SOX9: variants seen among roughly 807,000 people sequenced by gnomAD.
SOX9 encodes the protein transcription factor SOX-9.
In SOX9, 2 loss-of-function variants were observed where a neutral mutation model predicts 44.8. The ratio of observed to expected loss-of-function variants is 0.04; its 90% CI spans 0.02 to 0.14. SOX9 has a LOEUF of 0.14. SOX9 is among the 10% of genes least tolerant of loss of function. The probability of loss-of-function intolerance (pLI) is 1.00; values close to 1 mark genes in which losing one functional copy is unlikely to be tolerated. For synonymous variants in SOX9, 381 were observed against 331.8 expected (o/e 1.15, Z -1.61); for missense variants, 583 against 728.6 (o/e 0.80, Z 2.30).
chr17:72,121,727 C>T lies in SOX9; in HGVS notation c.336C>T (p.Phe112=), dbSNP rs1407667250. 1 of 1,606,014 alleles carries T rather than the reference C, an allele frequency of 6.2e-7. No homozygotes were observed. Among genetic ancestry groups the T allele is most frequent in the Non-Finnish European group, 8.5e-7 (1 of 1,176,646 alleles). The change falls in exon 1 of 3, where the codon TTC becomes TTT. Residue 112 remains phenylalanine (F), a synonymous_variant. Transcript: ENST00000245479. The surrounding 1 kb of genome is among the most constrained non-coding windows in gnomAD (Gnocchi z 8.3). Reference sequence around the variant, plus strand: ...ACGTCAAGCGGCCCATGAACGCCTTCATGGTGTGGGCGCAGGCGGCGCGCA... The same window carrying T: ...ACGTCAAGCGGCCCATGAACGCCTTTATGGTGTGGGCGCAGGCGGCGCGCA... ...KPHVKRPMNA[F]MVWAQAARRK...
chr17:72,124,769 A>AT lies in SOX9; in HGVS notation c.*389dup, dbSNP rs976984094. On this transcript the variant is annotated 3_prime_UTR_variant, in exon 3 of 3. Coordinates refer to ENST00000245479, the MANE Select transcript of SOX9 (RefSeq NM_000346.4). The surrounding 1 kb of genome is among the most constrained non-coding windows in gnomAD (Gnocchi z 4.6). ...CTCTGCCTGTTTGGACTTTGTAATT[A>AT]TTTTTTTAGCAGTAATTAAAGAAAA... 15 of 387,748 alleles carry AT rather than the reference A, an allele frequency of 3.9e-5. No homozygotes were observed. The highest frequency in any genetic ancestry group is 5.7e-5 in the Non-Finnish European group (12 of 211,220). 24.0% of individuals were successfully genotyped at this position (387,748 alleles called of 1,614,324 possible). A position where few individuals can be genotyped will look rare whatever the true frequency, so the allele number is the denominator to read the frequency against.
At chr17:72,122,519 G>C (rs1387585762) in intron 1 of SOX9, among the ~76,000 whole-genome samples, 200 bp from the exon 2 acceptor site, 1 of 151,952 alleles carries the variant, frequency 6.6e-6, no homozygotes, top group Admixed American at 6.6e-5. Context: ...GCTCAGGTCA[G>C]ACTGCAATAA....
In SOX9 at chr17:72,121,444, T is replaced by G. The variant is rs770996719; in HGVS notation, c.53T>G (p.Leu18Arg). ...ATGACCGACGAGCAGGAGAAGGGCCTGTCCGGCGCCCCCAGCCCCACCATG... is the reference window on the plus strand; with the variant it reads ...ATGACCGACGAGCAGGAGAAGGGCCGGTCCGGCGCCCCCAGCCCCACCATG... ...MKMTDEQEKG[L>R]SGAPSPTMSE... Residue 18 changes from leucine to arginine, a missense_variant, in exon 1 of 3, where the codon CTG (leucine) becomes CGG (arginine). Around this residue, in one of 7 missense-constraint regions of SOX9, gnomAD observed 101 missense variants for 98.6 expected, o/e 1.02. Coordinates refer to ENST00000245479, the MANE Select transcript of SOX9 (RefSeq NM_000346.4). The surrounding 1 kb of genome is among the most constrained non-coding windows in gnomAD (Gnocchi z 8.3). 6.2e-7 allele frequency: 1 copy of G among 1,612,522 alleles called. No homozygotes were observed. The highest frequency in any genetic ancestry group is 1.3e-5 in the African/African-American group (1 of 74,854).
At position 72,122,878 on chromosome 17, in the gene SOX9, C is replaced by A. The variant is rs146754673; in HGVS notation, c.591C>A (p.His197Gln). ...AEAEEATEQT[H>Q]ISPNAIFKAL... Reference sequence around the variant, plus strand: ...CAGAGGAGGCCACGGAGCAGACGCACATCTCCCCCAACGCCATCTTCAAGG... The same window carrying A: ...CAGAGGAGGCCACGGAGCAGACGCAAATCTCCCCCAACGCCATCTTCAAGG... Residue 197 changes from histidine to glutamine, a missense_variant, in exon 2 of 3, where the codon CAC (histidine) becomes CAA (glutamine). By Grantham distance (24) the His-to-Gln change is conservative. Around this residue, in one of 7 missense-constraint regions of SOX9, gnomAD observed 88 missense variants for 65.5 expected, o/e 1.34. Transcript: ENST00000245479. 2 of 1,614,050 alleles carry A rather than the reference C, an allele frequency of 1.2e-6. No individual in the cohort carries two copies. The highest frequency in any genetic ancestry group is 1.7e-6 in the Non-Finnish European group (2 of 1,180,032).
Position 72,121,207 on chromosome 17 carries a change from G to C in SOX9, c.-185G>C. On this transcript the variant is annotated 5_prime_UTR_variant, in exon 1 of 3. Coordinates refer to ENST00000245479, the MANE Select transcript of SOX9 (RefSeq NM_000346.4). The surrounding 1 kb of genome is among the most constrained non-coding windows in gnomAD (Gnocchi z 8.3). ...CTCCCCCCACTTGGAGCGGGCAGCT[G>C]TGAACTGGCCACCCCGCGCCTTCCT... The C allele has an allele frequency of 1.6e-6, 1 of 616,680 alleles. No homozygotes were observed. The highest frequency in any genetic ancestry group is 1.9e-5 in the South Asian group (1 of 51,348). 38.2% of individuals were successfully genotyped at this position (616,680 alleles called of 1,614,324 possible). A position where few individuals can be genotyped will look rare whatever the true frequency, so the allele number is the denominator to read the frequency against.
rs2143250933 is a variant in SOX9, at chr17:72,123,628, C to T, written c.771C>T (p.Arg257=). 6.2e-7 allele frequency: 1 copy of T among 1,614,078 alleles called. No individual in the cohort carries two copies. Among genetic ancestry groups the T allele is most frequent in the Non-Finnish European group, 8.5e-7 (1 of 1,180,000 alleles). ...AGGCTGACCTGAAGCGAGAGGGGCG[C>T]CCCTTGCCAGAGGGGGGCAGACAGC... ...PGKADLKREG[R]PLPEGGRQPP... is the part of the protein sequence containing the mutation. Residue 257 remains arginine, a synonymous_variant, in exon 3 of 3, where the codon CGC becomes CGT. Transcript: ENST00000245479. The surrounding 1 kb of genome is among the most constrained non-coding windows in gnomAD (Gnocchi z 6.5).
chr17:72,124,269 C>T lies in SOX9; in HGVS notation c.1412C>T (p.Pro471Leu), dbSNP rs2143257774. 1 of 1,612,704 alleles carries T rather than the reference C, an allele frequency of 6.2e-7. No homozygotes were observed. The highest frequency in any genetic ancestry group is 8.5e-7 in the Non-Finnish European group (1 of 1,180,010). Residue 471 changes from proline to leucine, a missense_variant, in exon 3 of 3, where the codon CCC (proline) becomes CTC (leucine). By Grantham distance (98) the Pro-to-Leu change is moderately conservative. This residue lies in a region of SOX9 where 349 missense variants were observed against 387.0 expected (regional missense o/e 0.90). Coordinates refer to ENST00000245479, the MANE Select transcript of SOX9 (RefSeq NM_000346.4). This position sits in a 1 kb window ranked among gnomAD's most constrained non-coding sequence, Gnocchi z 4.6. The stretch of plus-strand genomic sequence containing the variant: ...TACTCCACCTTCACCTACATGAACC[C>T]CGCTCAGCGCCCCATGTACACCCCC... ...GLYSTFTYMN[P>L]AQRPMYTPIA...
Position 72,123,772 on chromosome 17 carries a change from G to A in SOX9, c.915G>A (p.Gly305=), listed in dbSNP as rs375409661. 1 of 1,613,344 alleles carries A rather than the reference G, an allele frequency of 6.2e-7. No homozygotes were observed. Residue 305 remains glycine (G), a synonymous_variant, in exon 3 of 3, where the codon GGG becomes GGA. Transcript: ENST00000245479. The surrounding 1 kb of genome is among the most constrained non-coding windows in gnomAD (Gnocchi z 6.5). ...DQYLPPNGHP[G]VPATHGQVTY... is the part of the protein sequence containing the mutation. ...ACCTGCCGCCCAACGGCCACCCGGG[G>A]GTGCCGGCCACGCACGGCCAGGTCA...
chr17:72,126,379 ATAT>A lies in SOX9; in HGVS notation c.*1997_*1999del, dbSNP rs1908286828. On this transcript the variant is annotated 3_prime_UTR_variant, in exon 3 of 3. Transcript: ENST00000245479. ...TTTTCTTTCTCTTTTTTTTTTTTGT[ATAT>A]TATTGTTTACAATAAATATACATTG... is the stretch of plus-strand genomic sequence containing the variant. 1 of 195,876 alleles carries A rather than the reference ATAT, an allele frequency of 5.1e-6. No individual in the cohort carries two copies. The highest frequency in any genetic ancestry group is 9.5e-6 in the Non-Finnish European group (1 of 105,798). The allele number at this position is 195,876 out of a possible 1,614,324, so 12.1% of individuals were successfully genotyped here.
rs1405976540 is a variant in SOX9 at position 72,121,271 on chromosome 17, C to T, written c.-121C>T. 1 of 915,178 alleles carries T rather than the reference C, an allele frequency of 1.1e-6. No individual in the cohort carries two copies. Among genetic ancestry groups the T allele is most frequent in the Non-Finnish European group, 1.7e-6 (1 of 594,962 alleles). The allele number at this position is 915,178 out of a possible 1,614,324, so 56.7% of individuals were successfully genotyped here. On this transcript the variant is annotated 5_prime_UTR_variant, in exon 1 of 3. Coordinates refer to ENST00000245479, the MANE Select transcript of SOX9 (RefSeq NM_000346.4). This position sits in a 1 kb window ranked among gnomAD's most constrained non-coding sequence, Gnocchi z 8.3. Reference sequence around the variant, plus strand: ...GGTAGCCGGCCGACGCGCCAGCTTCCCCGGGAGCCGCTTGCTCCGCATCCG... The same window carrying T: ...GGTAGCCGGCCGACGCGCCAGCTTCTCCGGGAGCCGCTTGCTCCGCATCCG...
In SOX9 at chr17:72,124,845, G is replaced by A; in HGVS notation, c.*458G>A. 1 of 294,392 alleles carries A rather than the reference G, an allele frequency of 3.4e-6. No individual in the cohort carries two copies. The highest frequency in any genetic ancestry group is 6.3e-5 in the South Asian group (1 of 15,830). The allele number at this position is 294,392 out of a possible 1,614,324, so 18.2% of individuals were successfully genotyped here. A position where few individuals can be genotyped will look rare whatever the true frequency, so the allele number is the denominator to read the frequency against. On this transcript the variant is annotated 3_prime_UTR_variant, in exon 3 of 3. Coordinates refer to ENST00000245479, the MANE Select transcript of SOX9 (RefSeq NM_000346.4). This position sits in a 1 kb window ranked among gnomAD's most constrained non-coding sequence, Gnocchi z 4.6. The stretch of plus-strand genomic sequence containing the variant: ...ATTTTAAATATTTTTAGTATGTACT[G>A]TGTATGATTCATTACCATTTTGAGG...
In SOX9 at chr17:72,123,066, A is replaced by C. The variant is rs879067705; in HGVS notation, c.685+94A>C. 10 of 1,513,174 alleles carry C rather than the reference A, an allele frequency of 6.6e-6. No homozygotes were observed. The South Asian group carries it at 9.2e-5, about 14-fold the overall frequency. The allele number at this position is 1,513,174 out of a possible 1,614,324, so 93.7% of individuals were successfully genotyped here. A position where few individuals can be genotyped will look rare whatever the true frequency, so the allele number is the denominator to read the frequency against. ...CTGGGAGATTCTTCGTGGGGACTTT[A>C]TGCTTCCCGGGAGGGACACACTGCC... On this transcript the variant is annotated intron_variant, in intron 2 of 2. Transcript: ENST00000245479. The surrounding 1 kb of genome is among the most constrained non-coding windows in gnomAD (Gnocchi z 6.5).
chr17:72,122,387 G>A (rs926285066), intron 1 of SOX9, among the ~76,000 whole-genome samples: 10 of 144,806 alleles, frequency 6.9e-5, no homozygotes, highest in Non-Finnish European at 1.4e-4. Flanking sequence ...AGGGGGTTGG[G>A]GTTGGGGGCG....
At position 72,126,102 on chromosome 17, in the gene SOX9, A is replaced by G. The variant is rs865781336; in HGVS notation, c.*1715A>G. The G allele has an allele frequency of 4.3e-6, 1 of 232,430 alleles. No homozygotes were observed. The highest frequency in any genetic ancestry group is 2.2e-5 in the African/African-American group (1 of 45,288). The allele number at this position is 232,430 out of a possible 1,614,324, so 14.4% of individuals were successfully genotyped here. A position where few individuals can be genotyped will look rare whatever the true frequency, so the allele number is the denominator to read the frequency against. On this transcript the variant is annotated 3_prime_UTR_variant, in exon 3 of 3. Coordinates refer to ENST00000245479, the MANE Select transcript of SOX9 (RefSeq NM_000346.4). ...GACAGCAAACTTTTTTTTTTATTTA[A>G]AAAAAGATATATTAACAGTTTTAGA...
rs1908216468 is a variant in SOX9, at chr17:72,124,344, A to G, written c.1487A>G (p.Gln496Arg). Residue 496 changes from glutamine (Q) to arginine (R), a missense_variant, in exon 3 of 3, where the codon CAG becomes CGG. Transcript: ENST00000245479. This position sits in a 1 kb window ranked among gnomAD's most constrained non-coding sequence, Gnocchi z 4.6. ...TCCATCCCGCAGACCCACAGCCCCC[A>G]GCACTGGGAACAACCCGTCTACACA... ...VPSIPQTHSP[Q>R]HWEQPVYTQL... The G allele has an allele frequency of 6.2e-7, 1 of 1,601,484 alleles. No homozygotes were observed. The highest frequency in any genetic ancestry group is 1.3e-5 in the African/African-American group (1 of 74,868).
chr17:72,122,859 A>T lies in SOX9; in HGVS notation c.572A>T (p.Glu191Val), dbSNP rs772277252. Residue 191 changes from glutamate to valine, a missense_variant, in exon 2 of 3, where the codon GAG becomes GTG. By Grantham distance (121) the Glu-to-Val change is moderately radical. Transcript: ENST00000245479. Reference protein sequence around the residue: ...SVKNGQAEAEEATEQTHISPN... With the variant: ...SVKNGQAEAEVATEQTHISPN... ...AAGAACGGGCAGGCGGAGGCAGAGG[A>T]GGCCACGGAGCAGACGCACATCTCC... is the stretch of plus-strand genomic sequence containing the variant. 2 of 1,614,124 alleles carry T rather than the reference A, an allele frequency of 1.2e-6. No individual in the cohort carries two copies. Among genetic ancestry groups the T allele is most frequent in the South Asian group, 1.1e-5 (1 of 91,088 alleles).
rs769712195 is a variant in SOX9, at chr17:72,121,075, C to T, written c.-317C>T. On this transcript the variant is annotated 5_prime_UTR_variant, in exon 1 of 3. Transcript: ENST00000245479. The surrounding 1 kb of genome is among the most constrained non-coding windows in gnomAD (Gnocchi z 8.3). The stretch of plus-strand genomic sequence containing the variant: ...TGGAAACTTCAGTGGCGCGGAGACT[C>T]GCCAGTTTCAACCCCGGAAACTTTT... The T allele has an allele frequency of 9.1e-6, 5 of 548,524 alleles. No individual in the cohort carries two copies. The highest frequency in any genetic ancestry group is 6.3e-5 in the East Asian group (2 of 31,752). The allele number at this position is 548,524 out of a possible 1,614,324, so 34.0% of individuals were successfully genotyped here. A position where few individuals can be genotyped will look rare whatever the true frequency, so the allele number is the denominator to read the frequency against.
Position 72,123,082 on chromosome 17 carries a change from A to G in SOX9, c.685+110A>G. The G allele has an allele frequency of 7.2e-7, 1 of 1,398,044 alleles. No homozygotes were observed. The highest frequency in any genetic ancestry group is 1.8e-4 in the Middle Eastern group (1 of 5,580). The allele number at this position is 1,398,044 out of a possible 1,614,324, so 86.6% of individuals were successfully genotyped here. ...GGGGACTTTATGCTTCCCGGGAGGG[A>G]CACACTGCCCTTTGCGCCCGTCCCG... On this transcript the variant is annotated intron_variant, in intron 2 of 2. Coordinates refer to ENST00000245479, the MANE Select transcript of SOX9 (RefSeq NM_000346.4). This position sits in a 1 kb window ranked among gnomAD's most constrained non-coding sequence, Gnocchi z 6.5.
Position 72,126,406 on chromosome 17 carries a change from T to G in SOX9, c.*2019T>G. 1 of 227,632 alleles carries G rather than the reference T, an allele frequency of 4.4e-6. No individual in the cohort carries two copies. The highest frequency in any genetic ancestry group is 6.3e-5 in the East Asian group (1 of 15,794). The allele number at this position is 227,632 out of a possible 1,614,324, so 14.1% of individuals were successfully genotyped here. The stretch of plus-strand genomic sequence containing the variant: ...ATTATTGTTTACAATAAATATACAT[T>G]GCATTAAAAAGAAAGTGGCCCTGTG... On this transcript the variant is annotated 3_prime_UTR_variant, in exon 3 of 3. Coordinates refer to ENST00000245479, the MANE Select transcript of SOX9 (RefSeq NM_000346.4).
Sources: gnomAD v4.1 joint callset for allele counts (sites outside exome capture counted in the v4.1 genomes callset) on GRCh38, gnomAD v4.1.1 for gene constraint, gnomAD v4.1.1 regional missense constraint, Gnocchi (gnomAD v3.1) non-coding constraint, MANE v1.5 for transcripts, NCBI Gene and HGNC (gene_info 2026-07-23, HGNC 2026-07-21) for gene names.